TSC22D1: variants seen among roughly 807,000 people sequenced by gnomAD.
TSC22D1 encodes the protein TSC22 domain family protein 1.
A neutral mutation model predicts 74.2 loss-of-function variants in TSC22D1; 9 were observed. The observed-to-expected ratio is 0.12, with a 90% CI of 0.07 to 0.21. The LOEUF (loss-of-function observed/expected upper bound fraction) is 0.21. Among genes scored for constraint, TSC22D1 ranks in the 10% least tolerant of loss-of-function variants. The pLI, the probability that TSC22D1 is intolerant of heterozygous loss-of-function variation, is 1.00. For missense variants in TSC22D1, 1,427 were observed against 1,304.7 expected, an observed-to-expected ratio of 1.09 and a Z score of -1.44; for synonymous variants, 586 against 492.5, an observed-to-expected ratio of 1.19 and a Z score of -2.51.
chr13:44,539,923 A>T, intron 1 of TSC22D1: 1 of 1,289,562 alleles, frequency 7.8e-7, no homozygotes. Context: ...GGAGAGAAGC[A>T]CTGAAATAGA....
chr13:44,554,745 C>T (rs1178947333), intron 1 of TSC22D1, among the ~76,000 whole-genome samples: 1 of 151,330 alleles, frequency 6.6e-6, no homozygotes, highest in African/African-American at 2.4e-5. Context: ...TAGATAAATT[C>T]GCTGATGCAG....
intron 1 of TSC22D1, among the ~76,000 whole-genome samples, chr13:44,456,659 G>T (rs1013804459): frequency 2.0e-5 from 3 of 152,064 alleles, no homozygotes; most frequent in Non-Finnish European, 4.4e-5. Flanking sequence ...GACAGTGTAG[G>T]GAACTGAAGA....
chr13:44,475,933 C>T (rs1020796145), intron 1 of TSC22D1, among the ~76,000 whole-genome samples: 22 of 152,238 alleles, frequency 1.4e-4, no homozygotes, highest in Non-Finnish European at 2.5e-4. Flanking sequence ...AAGTGGCAGT[C>T]TCCAGTGAAA....
chr13:44,492,776 G>A (rs1878786654), intron 1 of TSC22D1, among the ~76,000 whole-genome samples: 1 of 151,818 alleles, frequency 6.6e-6, no homozygotes, highest in South Asian at 2.1e-4. Flanking sequence ...AGATTCACAG[G>A]GGTTTTTTTT....
chr13:44,509,950 C>CAAAAAAAAAAAAAAAAAAAAAAATAAAA, intron 1 of TSC22D1, among the ~76,000 whole-genome samples: 17 of 51,400 alleles, frequency 3.3e-4, no homozygotes, highest in South Asian at 9.9e-4. Flanking sequence ...AGAAAATAAG[C>CAAAAAAAAAAAAAAAAAAAAAAATAAAA]AAAAAAAAAA....
intron 1 of TSC22D1, among the ~76,000 whole-genome samples, chr13:44,567,748 G>C (rs1230761796): frequency 6.6e-6 from 1 of 151,880 alleles, no homozygotes; most frequent in East Asian, 1.9e-4. Context: ...CAAATAAGAG[G>C]AGTTTAAGAG....
At chr13:44,451,963 G>A (rs565398647) in intron 1 of TSC22D1, among the ~76,000 whole-genome samples, 4 of 152,280 alleles carry the variant, frequency 2.6e-5, no homozygotes, top group Admixed American at 2.6e-4. Context: ...CCACTTTTGC[G>A]CTCCCAGCCC....
chr13:44,484,674 T>A (rs1878343546), intron 1 of TSC22D1, among the ~76,000 whole-genome samples: 1 of 152,212 alleles, frequency 6.6e-6, no homozygotes, highest in South Asian at 2.1e-4. Flanking sequence ...GAAGTAAATC[T>A]AAGTATAGGC....
At chr13:44,472,832 C>T (rs1001527267) in intron 1 of TSC22D1, among the ~76,000 whole-genome samples, 2 of 152,162 alleles carry the variant, frequency 1.3e-5, no homozygotes, top group Admixed American at 6.5e-5. Context: ...TTCTATCCCT[C>T]AAATTCTTCT....
intron 1 of TSC22D1, among the ~76,000 whole-genome samples, chr13:44,442,821 A>C (rs920068866): frequency 1.1e-4 from 17 of 150,858 alleles, no homozygotes; most frequent in African/African-American, 4.2e-4. Context: ...AGGCTGGAGA[A>C]CTGCATGAAC....
At chr13:44,513,031 A>C (rs1269941876) in intron 1 of TSC22D1, among the ~76,000 whole-genome samples, 2 of 152,208 alleles carry the variant, frequency 1.3e-5, no homozygotes, top group Admixed American at 6.5e-5. Flanking sequence ...TTCCTAGTTG[A>C]CTTTCTCACC....
chr13:44,499,643 A>G (rs1050400770), intron 1 of TSC22D1, among the ~76,000 whole-genome samples: 1 of 152,174 alleles, frequency 6.6e-6, no homozygotes, highest in Non-Finnish European at 1.5e-5. Flanking sequence ...CCCCAAGTTA[A>G]TATTTGATAA....
intron 1 of TSC22D1, among the ~76,000 whole-genome samples, chr13:44,456,694 C>T (rs1280141697): frequency 2.0e-5 from 3 of 151,954 alleles, no homozygotes; most frequent in African/African-American, 7.3e-5. Flanking sequence ...TAAAAGATTA[C>T]ATGGATAAAA....
At position 44,575,969 on chromosome 13, in the gene TSC22D1, C is replaced by A. The variant is rs1884206352; in HGVS notation, c.106G>T (p.Gly36Cys). The A allele has an allele frequency of 6.2e-7, 1 of 1,605,518 alleles. No homozygotes were observed. Among genetic ancestry groups the A allele is most frequent in the Non-Finnish European group, 8.5e-7 (1 of 1,176,110 alleles). Residue 36 changes from glycine (G) to cysteine (C), a missense_variant, in exon 1 of 3, where the codon GGC (glycine) becomes TGC (cysteine). Coordinates refer to ENST00000458659, the MANE Select transcript of TSC22D1 (RefSeq NM_183422.4). ...GCTGCATTGAGAGCAGAGGCGCTGC[C>A]ACTACCGCTGCCCCTTCGAGGGAAC... ...AMFPRRGSGS[G>C]SASALNAAGT...
At chr13:44,495,137 C>T (rs942462588) in intron 1 of TSC22D1, among the ~76,000 whole-genome samples, 5 of 151,962 alleles carry the variant, frequency 3.3e-5, no homozygotes, top group Admixed American at 2.6e-4. Context: ...GCACTCTCAA[C>T]ACATAATGAG....
At chr13:44,479,579 G>C (rs561580926) in intron 1 of TSC22D1, among the ~76,000 whole-genome samples, 4 of 152,212 alleles carry the variant, frequency 2.6e-5, no homozygotes, top group Admixed American at 6.5e-5. Flanking sequence ...CTGGGTTTCA[G>C]GAAAGTAAAA....
intron 1 of TSC22D1, among the ~76,000 whole-genome samples, chr13:44,548,245 G>C (rs555531941): frequency 6.6e-6 from 1 of 152,166 alleles, no homozygotes. Context: ...GGCTGGGCGC[G>C]GTGGCGCATG....
chr13:44,561,100 A>G (rs976674363), intron 1 of TSC22D1, among the ~76,000 whole-genome samples: 2 of 152,190 alleles, frequency 1.3e-5, no homozygotes, highest in African/African-American at 4.8e-5. Context: ...TGGCTTTGAT[A>G]GCAATTTCAA....
intron 1 of TSC22D1, chr13:44,537,187 GTTTAT>G: frequency 1.1e-6 from 1 of 873,168 alleles, no homozygotes; most frequent in Non-Finnish European, 1.4e-6. Flanking sequence ...GAAAAAAATA[GTTTAT>G]ATTAATATTC....
Sources: gnomAD v4.1 joint callset for allele counts (sites outside exome capture counted in the v4.1 genomes callset) on GRCh38, gnomAD v4.1.1 for gene constraint, MANE v1.5 for transcripts, NCBI Gene and HGNC (gene_info 2026-07-23, HGNC 2026-07-21) for gene names.